The following MRTFA variants were observed in gnomAD, a reference collection of about 807,000 sequenced individuals.
MRTFA encodes the protein myocardin related transcription factor A, also known as myocardin-related transcription factor A.
In MRTFA, 20 loss-of-function variants were observed where a neutral mutation model predicts 83.5. The ratio of observed to expected loss-of-function variants is 0.24; its 90% CI spans 0.17 to 0.35. MRTFA has a LOEUF of 0.35. Among genes scored for constraint, MRTFA ranks in the 10% least tolerant of loss-of-function variants. The pLI, the probability that MRTFA is intolerant of heterozygous loss-of-function variation, is 1.00. For missense variants in MRTFA, 1,200 were observed against 1,224.7 expected (o/e 0.98, Z 0.30); for synonymous variants, 659 against 541.2 (o/e 1.22, Z -3.02).
At position 40,411,720 on chromosome 22, in the gene MRTFA, C is replaced by A. The variant is rs1378448550; in HGVS notation, c.2766G>T (p.Thr922=). The A allele has an allele frequency of 6.4e-7, 1 of 1,567,814 alleles. No individual in the cohort carries two copies. Among genetic ancestry groups the A allele is most frequent in the Non-Finnish European group, 8.7e-7 (1 of 1,151,494 alleles). ...GCCCACTGGTCAGCAGGGGCAGCCCCGTGCTGCTCTCCAGGAAGTCCTCCA... is the reference window on the plus strand; with the variant it reads ...GCCCACTGGTCAGCAGGGGCAGCCCAGTGCTGCTCTCCAGGAAGTCCTCCA... The change falls in exon 15 of 15, where the codon ACG becomes ACT. Residue 922 remains threonine (T), a synonymous_variant. Coordinates refer to ENST00000355630, the MANE Select transcript of MRTFA (RefSeq NM_020831.6).
chr22:40,619,760 G>A (rs187063493), intron 1 of MRTFA, among the ~76,000 whole-genome samples: 1 of 151,582 alleles, frequency 6.6e-6, no homozygotes, highest in Non-Finnish European at 1.5e-5. Flanking sequence ...CGTGGTGGCA[G>A]GAGCCTGTAG....
intron 1 of MRTFA, among the ~76,000 whole-genome samples, chr22:40,597,059 C>G (rs189294055): frequency 6.6e-6 from 1 of 152,256 alleles, no homozygotes; most frequent in East Asian, 1.9e-4. Flanking sequence ...TCTGTTAACA[C>G]AGTTAAAACA....
chr22:40,526,902 C>A (rs1245314015), intron 3 of MRTFA, among the ~76,000 whole-genome samples: 1 of 151,840 alleles, frequency 6.6e-6, no homozygotes, highest in Non-Finnish European at 1.5e-5. Context: ...GAGTTTGAGA[C>A]CAGCTTGGGC....
intron 3 of MRTFA, among the ~76,000 whole-genome samples, chr22:40,492,927 T>C (rs2054293883): frequency 6.6e-6 from 1 of 152,226 alleles, no homozygotes; most frequent in Non-Finnish European, 1.5e-5. Flanking sequence ...GAAGATACAG[T>C]TCAATACATA....
chr22:40,527,496 G>A (rs919341190), intron 3 of MRTFA, among the ~76,000 whole-genome samples: 1 of 151,790 alleles, frequency 6.6e-6, no homozygotes, highest in South Asian at 2.1e-4. Context: ...AGTGGCTCAC[G>A]TCTGTAATCC....
intron 4 of MRTFA, among the ~76,000 whole-genome samples, chr22:40,454,328 C>A (rs2053547000): frequency 6.6e-6 from 1 of 152,186 alleles, no homozygotes. Flanking sequence ...GTTGTCCAGG[C>A]TGGTCTCAAA....
chr22:40,635,050 T>C (rs935922520), intron 1 of MRTFA, among the ~76,000 whole-genome samples: 2 of 152,240 alleles, frequency 1.3e-5, no homozygotes, highest in African/African-American at 2.4e-5. Context: ...TTTGCAGGTG[T>C]TTTTAAAGAA....
At chr22:40,514,731 C>A (rs977438356) in intron 3 of MRTFA, among the ~76,000 whole-genome samples, 1 of 151,736 alleles carries the variant, frequency 6.6e-6, no homozygotes, top group Non-Finnish European at 1.5e-5. Context: ...CCACCCGCTT[C>A]GGCCTCCCAA....
chr22:40,631,377 A>G (rs921275466), intron 1 of MRTFA, among the ~76,000 whole-genome samples: 1 of 152,166 alleles, frequency 6.6e-6, no homozygotes, highest in Non-Finnish European at 1.5e-5. Context: ...GACTTTATAT[A>G]TTTTTATTTA....
intron 3 of MRTFA, among the ~76,000 whole-genome samples, chr22:40,481,554 G>A (rs548147597): frequency 3.3e-5 from 5 of 152,164 alleles, no homozygotes; most frequent in African/African-American, 1.2e-4. Flanking sequence ...AAAATATAGT[G>A]GAACAAGAGA....
intron 4 of MRTFA, among the ~76,000 whole-genome samples, chr22:40,461,777 C>T (rs2053718335): frequency 6.6e-6 from 1 of 151,902 alleles, no homozygotes; most frequent in Non-Finnish European, 1.5e-5. Context: ...CCAGCCTGGG[C>T]AACAGAGCAA....
Position 40,429,557 on chromosome 22 carries a change from C to T in MRTFA, c.601+49G>A, listed in dbSNP as rs118064424. On this transcript the variant is annotated intron_variant, in intron 7 of 14. Transcript: ENST00000355630. ...CTGCTTCAGCCTGGCACTCCCTCCC[C>T]TCCTGCATCTCAGCTGCCTCTCACA... is the stretch of plus-strand genomic sequence containing the variant. The T allele has an allele frequency of 7.2e-4, 1,153 of 1,611,080 alleles. 23 individuals carry two copies. The East Asian group carries it at 0.025, about 35-fold the overall frequency.
At chr22:40,420,618 C>G (rs781180701) in intron 10 of MRTFA, 42 bp from the exon 11 acceptor site, 1 of 1,599,912 alleles carries the variant, frequency 6.3e-7, no homozygotes, top group Non-Finnish European at 8.5e-7. Context: ...CAGCTTCGCC[C>G]GTGGCCTCTG....
intron 4 of MRTFA, among the ~76,000 whole-genome samples, chr22:40,462,170 C>T (rs554467286): frequency 6.6e-6 from 1 of 152,346 alleles, no homozygotes; most frequent in South Asian, 2.1e-4. Flanking sequence ...CTTGATAGTA[C>T]TTACCAGGCT....
chr22:40,448,262 A>T (rs1308028046), intron 4 of MRTFA, among the ~76,000 whole-genome samples: 3 of 152,156 alleles, frequency 2.0e-5, no homozygotes, highest in Non-Finnish European at 4.4e-5. Flanking sequence ...GCGAGCCAAG[A>T]TCACACCACT....
chr22:40,525,018 C>T (rs2054942053), intron 3 of MRTFA, among the ~76,000 whole-genome samples: 1 of 152,190 alleles, frequency 6.6e-6, no homozygotes, highest in Non-Finnish European at 1.5e-5. Context: ...CCATACTGGC[C>T]AGGCTGGTCT....
At chr22:40,532,208 G>A (rs2055093761) in intron 3 of MRTFA, among the ~76,000 whole-genome samples, 1 of 152,180 alleles carries the variant, frequency 6.6e-6, no homozygotes, top group African/African-American at 2.4e-5. Flanking sequence ...GAGACTACCT[G>A]AGAAGAAAGC....
chr22:40,620,044 G>A lies in MRTFA; in HGVS notation c.-84+16434C>T, dbSNP rs112234453. Reference sequence around the variant, plus strand: ...GTGATCTTGGCTCAATGCAGCCTCCGTCTCCCAGGTTCAAGCAATTCTCCC... The same window carrying A: ...GTGATCTTGGCTCAATGCAGCCTCCATCTCCCAGGTTCAAGCAATTCTCCC... On this transcript the variant is annotated intron_variant, in intron 1 of 14. Coordinates refer to ENST00000355630, the MANE Select transcript of MRTFA (RefSeq NM_020831.6). 5.1e-4 allele frequency among the ~76,000 whole-genome samples: 77 copies of A among 151,478 alleles called. No homozygotes were observed. The South Asian group carries it at 5.6e-3, about 11-fold the overall frequency.
At chr22:40,477,474 T>G (rs1014482480) in intron 3 of MRTFA, among the ~76,000 whole-genome samples, 1 of 152,122 alleles carries the variant, frequency 6.6e-6, no homozygotes, top group Non-Finnish European at 1.5e-5. Flanking sequence ...CAAGTAACTT[T>G]ATCTTTTTTT....
Sources: allele counts gnomAD v4.1 joint callset (sites outside exome capture counted in the v4.1 genomes callset), GRCh38; gene constraint gnomAD v4.1.1; transcripts MANE v1.5; gene names NCBI Gene and HGNC (gene_info 2026-07-23, HGNC 2026-07-21).